EPHA8: variants seen among roughly 807,000 people sequenced by gnomAD.
The protein encoded by EPHA8 is EPH receptor A8.
In EPHA8, 58 loss-of-function variants were observed where a neutral mutation model predicts 103.6. The ratio of observed to expected loss-of-function variants is 0.56; its 90% confidence interval spans 0.45 to 0.70. The LOEUF (loss-of-function observed/expected upper bound fraction) is 0.70. Ranked by LOEUF, EPHA8 falls within the 30% of genes least tolerant of loss-of-function variation. The pLI is 0.00. For synonymous variants in EPHA8, 559 were observed against 572.5 expected (o/e 0.98, Z 0.34); for missense variants, 1,304 against 1,395.2 (o/e 0.93, Z 1.04).
rs1196087709 is a variant in EPHA8 at position 22,595,153 on chromosome 1, C to G, written c.1604-77C>G. 22 of 1,256,706 alleles carry G rather than the reference C, an allele frequency of 1.8e-5. No individual in the cohort carries two copies. In the East Asian group the frequency reaches 5.4e-4, roughly 31 times the overall value. 77.8% of individuals were successfully genotyped at this position (1,256,706 alleles called of 1,614,324 possible). A position where few individuals can be genotyped will look rare whatever the true frequency, so the allele number is the denominator to read the frequency against. On this transcript the variant is annotated intron_variant, in intron 7 of 16. Transcript: ENST00000166244. ...GGCCCCAGGGTCACAGCCAGGCAGG[C>G]TCAGAGGTCTGCCAGACCCCTGGGC... is the stretch of plus-strand genomic sequence containing the variant.
At chr1:22,570,332 A>ACG (rs1167505375) in intron 2 of EPHA8, among the ~76,000 whole-genome samples, 2 of 142,536 alleles carry the variant, frequency 1.4e-5, no homozygotes, top group South Asian at 2.2e-4. Flanking sequence ...GCACACACGC[A>ACG]CATGCACATG....
Position 22,598,780 on chromosome 1 carries a change from T to G in EPHA8, c.2179-58T>G, listed in dbSNP as rs1238871853. ...ATCCTACAGATGGGAGGTGTTCCTGTTCACGGACCAGGCGCCTCGCCGGGC... is the reference window on the plus strand; with the variant it reads ...ATCCTACAGATGGGAGGTGTTCCTGGTCACGGACCAGGCGCCTCGCCGGGC... On this transcript the variant is annotated intron_variant, in intron 12 of 16. Coordinates refer to ENST00000166244, the MANE Select transcript of EPHA8 (RefSeq NM_020526.5). This position sits in a 1 kb window ranked among gnomAD's most constrained non-coding sequence, Gnocchi z 5.1. The G allele has an allele frequency of 6.4e-7, 1 of 1,563,720 alleles. No homozygotes were observed. The highest frequency in any genetic ancestry group is 8.7e-7 in the Non-Finnish European group (1 of 1,145,356).
chr1:22,596,118 C>T lies in EPHA8; in HGVS notation c.1710C>T (p.Tyr570=). The change falls in exon 9 of 17, where the codon TAC becomes TAT. Residue 570 remains tyrosine (Y), a synonymous_variant. Coordinates refer to ENST00000166244, the MANE Select transcript of EPHA8 (RefSeq NM_020526.5). ...LLICKKRHCG[Y]SKAFQDSDEE... ...CCCTCCTCTGCAGGCACTGTGGCTA[C>T]AGCAAGGCCTTCCAGGACTCGGACG... 6.2e-7 allele frequency: 1 copy of T among 1,613,936 alleles called. No individual in the cohort carries two copies. Among genetic ancestry groups the T allele is most frequent in the Middle Eastern group, 1.7e-4 (1 of 6,060 alleles).
chr1:22,586,549 A>G lies in EPHA8; in HGVS notation c.893A>G (p.His298Arg). 2 of 1,613,042 alleles carry G rather than the reference A, an allele frequency of 1.2e-6. No homozygotes were observed. The highest frequency in any genetic ancestry group is 1.7e-6 in the Non-Finnish European group (2 of 1,179,818). Residue 298 changes from histidine (H) to arginine (R), a missense_variant, in exon 4 of 17, where the codon CAC becomes CGC. Coordinates refer to ENST00000166244, the MANE Select transcript of EPHA8 (RefSeq NM_020526.5). ...TGTGCCCGCTGCCCTCCCCACAGCC[A>G]CTCCGCAGCTCCAGCCGCCCAAGCC... ...QLCARCPPHS[H>R]SAAPAAQACH...
rs114937796 is a variant in EPHA8 at position 22,600,391 on chromosome 1, C to T, written c.2389-270C>T. 1.1e-3 allele frequency among the ~76,000 whole-genome samples: 162 copies of T among 149,626 alleles called. 2 individuals carry two copies. The highest frequency in any genetic ancestry group is 4.0e-3 in the African/African-American group (158 of 39,112). ...AGAAGGAAGAGGAAGAGTTAGAAAA[C>T]GACTAGGCTGTGGCCCCTGAGCCCC... On this transcript the variant is annotated intron_variant, in intron 13 of 16. Coordinates refer to ENST00000166244, the MANE Select transcript of EPHA8 (RefSeq NM_020526.5).
At chr1:22,580,283 T>A (rs1432582543) in intron 3 of EPHA8, among the ~76,000 whole-genome samples, 5 of 151,636 alleles carry the variant, frequency 3.3e-5, no homozygotes, top group Non-Finnish European at 5.9e-5. Flanking sequence ...GAATTACAGG[T>A]GCCCGCCACC....
chr1:22,579,477 C>T (rs889907180), intron 3 of EPHA8, among the ~76,000 whole-genome samples: 8 of 151,208 alleles, frequency 5.3e-5, no homozygotes, highest in African/African-American at 1.7e-4. Context: ...TGCATGTATA[C>T]GTGAGTGTAT....
intron 3 of EPHA8, among the ~76,000 whole-genome samples, chr1:22,578,370 G>A (rs984649842): frequency 7.8e-5 from 11 of 140,432 alleles, no homozygotes; most frequent in South Asian, 7.1e-4. Context: ...GCATGTGTGC[G>A]TGCTTTAGTA....
Position 22,597,354 on chromosome 1 carries a change from A to G in EPHA8, c.1808A>G (p.Lys603Arg). ...VFLPLHHPPGKLPEPQFYAEP... is the reference protein window; with the variant it reads ...VFLPLHHPPGRLPEPQFYAEP... ...CTGCCTCTGCATCACCCCCCGGGAA[A>G]GCTCCCAGAGCCCCAGTTCTATGCG... The change falls in exon 10 of 17, where the codon AAG (lysine) becomes AGG (arginine). Residue 603 changes from lysine to arginine, a missense_variant. Coordinates refer to ENST00000166244, the MANE Select transcript of EPHA8 (RefSeq NM_020526.5). This position sits in a 1 kb window ranked among gnomAD's most constrained non-coding sequence, Gnocchi z 4.6. 6.2e-7 allele frequency: 1 copy of G among 1,611,956 alleles called. No individual in the cohort carries two copies. Among genetic ancestry groups the G allele is most frequent in the Non-Finnish European group, 8.5e-7 (1 of 1,179,112 alleles).
rs753426993 is a variant in EPHA8 at position 22,597,405 on chromosome 1, G to T, written c.1859G>T (p.Gly620Val). Residue 620 changes from glycine (G) to valine (V), a missense_variant, in exon 10 of 17, where the codon GGC becomes GTC. Coordinates refer to ENST00000166244, the MANE Select transcript of EPHA8 (RefSeq NM_020526.5). The surrounding 1 kb of genome is among the most constrained non-coding windows in gnomAD (Gnocchi z 4.6). ...YAEPHTYEEP[G>V]RAGRSFTREI... Reference sequence around the variant, plus strand: ...GAACCCCACACCTACGAGGAGCCAGGCCGGGCGGGCCGCAGTTTCACTCGG... The same window carrying T: ...GAACCCCACACCTACGAGGAGCCAGTCCGGGCGGGCCGCAGTTTCACTCGG... 1.9e-4 allele frequency: 306 copies of T among 1,613,392 alleles called. No individual in the cohort carries two copies. Among genetic ancestry groups the T allele is most frequent in the Non-Finnish European group, 2.6e-4 (301 of 1,180,000 alleles).
At chr1:22,586,880 C>G (rs1015467017) in intron 4 of EPHA8, among the ~76,000 whole-genome samples, 2 of 152,238 alleles carry the variant, frequency 1.3e-5, no homozygotes, top group African/African-American at 4.8e-5. Flanking sequence ...TGGAGCTGGC[C>G]TCACTTCTTT....
Position 22,601,962 on chromosome 1 carries a change from C to T in EPHA8, c.*221C>T. On this transcript the variant is annotated 3_prime_UTR_variant, in exon 17 of 17. Transcript: ENST00000166244. ...CACCCTGGTGAGGACACCTGTCCCC[C>T]AGGGCAGGCACCTTCTCTTTTCCAG... 3.4e-6 allele frequency: 2 copies of T among 587,058 alleles called. No homozygotes were observed. Among genetic ancestry groups the T allele is most frequent in the Non-Finnish European group, 5.9e-6 (2 of 337,156 alleles). The allele number at this position is 587,058 out of a possible 1,614,324, so 36.4% of individuals were successfully genotyped here.
intron 3 of EPHA8, among the ~76,000 whole-genome samples, chr1:22,581,343 G>T (rs1033729464): frequency 1.3e-5 from 2 of 152,214 alleles, no homozygotes; most frequent in African/African-American, 4.8e-5. Context: ...CGCACTCAGG[G>T]TCGGCCACCG....
intron 1 of EPHA8, among the ~76,000 whole-genome samples, chr1:22,568,139 C>T (rs1406323182): frequency 2.0e-5 from 3 of 152,210 alleles, no homozygotes; most frequent in Admixed American, 6.5e-5. Flanking sequence ...AGGACCAGCC[C>T]TGGCTCCAGG....
At chr1:22,580,036 T>C (rs1640998640) in intron 3 of EPHA8, among the ~76,000 whole-genome samples, 1 of 151,830 alleles carries the variant, frequency 6.6e-6, no homozygotes, top group Non-Finnish European at 1.5e-5. Flanking sequence ...AGGAGCCGTC[T>C]TGCCCAGAGA....
At chr1:22,595,413 G>A (rs1481232988) in intron 8 of EPHA8, 90 bp downstream of exon 8, 26 of 1,057,664 alleles carry the variant, frequency 2.5e-5, no homozygotes, top group Admixed American at 1.5e-4. Flanking sequence ...GGTGGTCCCC[G>A]TGTGCCTGGG....
chr1:22,595,802 C>T (rs1641500920), intron 8 of EPHA8, among the ~76,000 whole-genome samples: 1 of 152,200 alleles, frequency 6.6e-6, no homozygotes, highest in South Asian at 2.1e-4. Context: ...CTCCCAATGC[C>T]CCCACCAAGG....
At position 22,598,224 on chromosome 1, in the gene EPHA8, A is replaced by AT. The variant is rs1641578402; in HGVS notation, c.2178+12_2178+13insT. The AT allele has an allele frequency of 6.2e-7, 1 of 1,611,518 alleles. No homozygotes were observed. Among genetic ancestry groups the AT allele is most frequent in the Non-Finnish European group, 8.5e-7 (1 of 1,179,222 alleles). ...ACACCTTCCTGAGGGTGCGTGTCCC[A>AT]CCCCTGCCTCTTGCATGGGCTTGGG... On this transcript the variant is annotated intron_variant, in intron 12 of 16. Transcript: ENST00000166244. This position sits in a 1 kb window ranked among gnomAD's most constrained non-coding sequence, Gnocchi z 5.1.
chr1:22,565,247 A>G (rs1251358025), intron 1 of EPHA8, among the ~76,000 whole-genome samples: 2 of 152,234 alleles, frequency 1.3e-5, no homozygotes, highest in Non-Finnish European at 2.9e-5. Flanking sequence ...AAACACACAC[A>G]GACACAGATA....
Sources: allele counts gnomAD v4.1 joint callset (sites outside exome capture counted in the v4.1 genomes callset), GRCh38; gene constraint gnomAD v4.1.1; non-coding constraint Gnocchi (gnomAD v3.1); transcripts MANE v1.5; gene names NCBI Gene and HGNC (gene_info 2026-07-23, HGNC 2026-07-21).